KLRD1: variants seen among roughly 807,000 people sequenced by gnomAD.
KLRD1 encodes killer cell lectin like receptor D1.
In KLRD1, 21 loss-of-function variants were observed where a neutral mutation model predicts 22.6. That is an observed-to-expected ratio of 0.93 (90% CI 0.66 to 1.34). The LOEUF (loss-of-function observed/expected upper bound fraction) is 1.34. KLRD1 is among the 40% of genes most tolerant of loss of function. The pLI is 0.00. For synonymous variants in KLRD1, 59 were observed against 71.1 expected (o/e 0.83, Z 0.85); for missense variants, 183 against 208.6 (o/e 0.88, Z 0.76).
chr12:10,290,819 GC>G (rs1290327087), intron 1 of KLRD1, among the ~76,000 whole-genome samples: 1 of 151,850 alleles, frequency 6.6e-6, no homozygotes, highest in Non-Finnish European at 1.5e-5. Context: ...TGATAAAACT[GC>G]ATAAAATGAC....
Position 10,265,625 on chromosome 12 carries a change from CACACACCTGTAAGCCCA to C in KLRD1, c.-101+39393_-101+39409del, listed in dbSNP as rs776595246. ...TACAAAAATTAGCCAGGCATGGTGG[CACACACCTGTAAGCCCA>C]GCTACTCGGGAGGCTGAGGCAGGAG... is the stretch of plus-strand genomic sequence containing the variant. On this transcript the variant is annotated intron_variant, in intron 1 of 5. Coordinates refer to the KLRD1 transcript ENST00000544747. 1.5e-3 allele frequency among the ~76,000 whole-genome samples: 227 copies of C among 152,262 alleles called. 2 individuals carry two copies. Among genetic ancestry groups the C allele is most frequent in the Non-Finnish European group, 6.6e-4 (45 of 68,014 alleles).
At chr12:10,241,676 AG>A (rs1323284774) in intron 1 of KLRD1, among the ~76,000 whole-genome samples, 1 of 152,174 alleles carries the variant, frequency 6.6e-6, no homozygotes, top group East Asian at 1.9e-4. Context: ...ATAGTTAGGA[AG>A]AAATTTGTCT....
At chr12:10,272,923 G>A (rs974594223) in intron 1 of KLRD1, among the ~76,000 whole-genome samples, 6 of 151,784 alleles carry the variant, frequency 4.0e-5, no homozygotes, top group Non-Finnish European at 5.9e-5. Flanking sequence ...ACTAAATAAC[G>A]TAATATAAAT....
upstream of KLRD1, among the ~76,000 whole-genome samples, chr12:10,303,068 A>G (rs1370435572): frequency 6.6e-6 from 1 of 152,214 alleles, no homozygotes; most frequent in Admixed American, 6.5e-5. Flanking sequence ...CCCAGTAATG[A>G]TCAAGTCAGC....
rs574316249 is a variant in KLRD1, at chr12:10,291,347, G to A, written c.-100-16631G>A. 4.1e-3 allele frequency among the ~76,000 whole-genome samples: 628 copies of A among 152,252 alleles called. 3 individuals are homozygous for A. The highest frequency in any genetic ancestry group is 7.5e-3 in the Non-Finnish European group (507 of 68,018). ...TTGACTGACTCTTCTTTTCACAAAA[G>A]ATTTCTCTGTAGTCTATGATGCTGT... On this transcript the variant is annotated intron_variant, in intron 1 of 5. Transcript: ENST00000544747.
chr12:10,260,840 G>A (rs1400079506), intron 1 of KLRD1, among the ~76,000 whole-genome samples: 2 of 152,104 alleles, frequency 1.3e-5, no homozygotes, highest in Non-Finnish European at 2.9e-5. Context: ...TACTCGGGAG[G>A]CTGAGGCAGG....
In KLRD1 at chr12:10,309,390, T is replaced by G; in HGVS notation, c.10T>G (p.Phe4Val). The G allele has an allele frequency of 7.0e-7, 1 of 1,438,092 alleles. No individual in the cohort carries two copies. Among genetic ancestry groups the G allele is most frequent in the Non-Finnish European group, 9.8e-7 (1 of 1,019,322 alleles). 89.1% of individuals were successfully genotyped at this position (1,438,092 alleles called of 1,614,324 possible). A position where few individuals can be genotyped will look rare whatever the true frequency, so the allele number is the denominator to read the frequency against. The change falls in exon 2 of 6, where the codon TTT (phenylalanine) becomes GTT (valine). Residue 4 changes from phenylalanine (F) to valine (V), a missense_variant and splice_region_variant. Transcript: ENST00000336164. MAVFKTTLWRLISG... is the reference protein window; with the variant it reads MAVVKTTLWRLISG... ...ACTCTGTCTGTCTTTCTCTACAGTG[T>G]TTAAGACCACTCTGTGGAGGTTAAT...
chr12:10,257,861 C>T (rs922825909), intron 1 of KLRD1, among the ~76,000 whole-genome samples: 3 of 152,010 alleles, frequency 2.0e-5, no homozygotes. Context: ...AAGACTGGCT[C>T]TTTGCCAAGG....
At chr12:10,308,502 T>C (rs1269693363) in intron 1 of KLRD1, 1 of 189,548 alleles carries the variant, frequency 5.3e-6, no homozygotes, top group African/African-American at 2.3e-5. Flanking sequence ...ATTGTACTGT[T>C]GTTAATGACA....
chr12:10,277,634 A>T (rs1056482840), intron 1 of KLRD1, among the ~76,000 whole-genome samples: 1 of 152,194 alleles, frequency 6.6e-6, no homozygotes, highest in Non-Finnish European at 1.5e-5. Flanking sequence ...AAAATTGTAT[A>T]AAAATATTTC....
rs773481732 is a variant in KLRD1, at chr12:10,326,166, T to C, written c.*11373T>C. The C allele has an allele frequency of 1.3e-5, 2 of 152,176 alleles. No homozygotes were observed. The highest frequency in any genetic ancestry group is 2.4e-5 in the African/African-American group (1 of 41,442). 9.4% of individuals were successfully genotyped at this position (152,176 alleles called of 1,614,324 possible). A position where few individuals can be genotyped will look rare whatever the true frequency, so the allele number is the denominator to read the frequency against. ...TTTTAATTGGGTTACTTGTGTTTTT[T>C]TTAATATTGAGTTGTAGGAGTTCTT... On this transcript the variant is annotated 3_prime_UTR_variant, in exon 6 of 6. Coordinates refer to ENST00000336164, the MANE Select transcript of KLRD1 (RefSeq NM_002262.5).
At chr12:10,265,922 G>A (rs568948951) in intron 1 of KLRD1, among the ~76,000 whole-genome samples, 1 of 152,172 alleles carries the variant, frequency 6.6e-6, no homozygotes, top group Admixed American at 6.5e-5. Flanking sequence ...CTTTACAAAA[G>A]AAACTGAATA....
rs1423460145 is a variant in KLRD1 at position 10,316,393 on chromosome 12, T to A, written c.*1600T>A. 6.6e-6 allele frequency: 1 copy of A among 151,138 alleles called. No individual in the cohort carries two copies. Among genetic ancestry groups the A allele is most frequent in the African/African-American group, 2.5e-5 (1 of 40,464 alleles). The allele number at this position is 151,138 out of a possible 1,614,324, so 9.4% of individuals were successfully genotyped here. A position where few individuals can be genotyped will look rare whatever the true frequency, so the allele number is the denominator to read the frequency against. On this transcript the variant is annotated 3_prime_UTR_variant, in exon 6 of 6. Transcript: ENST00000336164. ...TTCATAGTTTATGCCACTTATTTTA[T>A]TTTTTACTTTTATTATTTTTTTTTC...
chr12:10,268,218 A>T (rs773653976), intron 1 of KLRD1, among the ~76,000 whole-genome samples: 2 of 152,226 alleles, frequency 1.3e-5, no homozygotes, highest in Non-Finnish European at 2.9e-5. Context: ...ACACTGGCTC[A>T]GTGAGCCGAG....
At chr12:10,291,474 C>T (rs193188724) in intron 1 of KLRD1, among the ~76,000 whole-genome samples, 8 of 152,224 alleles carry the variant, frequency 5.3e-5, no homozygotes, top group African/African-American at 1.9e-4. Flanking sequence ...ATTCTAAATT[C>T]TTTGTTGTCA....
chr12:10,309,250 T>C (rs1054615697), intron 1 of KLRD1, 138 bp from the exon 2 acceptor site: 1 of 581,470 alleles, frequency 1.7e-6, no homozygotes, highest in Non-Finnish European at 3.1e-6. Context: ...TTGGAAAGTC[T>C]TCAGTGTTTT....
chr12:10,256,087 T>TTA (rs896672009), intron 1 of KLRD1, among the ~76,000 whole-genome samples: 3 of 151,970 alleles, frequency 2.0e-5, no homozygotes, highest in Non-Finnish European at 4.4e-5. Flanking sequence ...TCTTTGTCTT[T>TTA]TATATATATA....
At chr12:10,252,735 A>G (rs575964832) in intron 1 of KLRD1, among the ~76,000 whole-genome samples, 12 of 152,248 alleles carry the variant, frequency 7.9e-5, no homozygotes, top group African/African-American at 2.6e-4. Flanking sequence ...GAGAAAGAGG[A>G]ATAACTTTCA....
intron 1 of KLRD1, among the ~76,000 whole-genome samples, chr12:10,289,528 A>T (rs1251767152): frequency 6.6e-6 from 1 of 152,226 alleles, no homozygotes; most frequent in African/African-American, 2.4e-5. Context: ...CTACATAAAC[A>T]TGTCACTTTG....
Sources: gnomAD v4.1 joint callset for allele counts (sites outside exome capture counted in the v4.1 genomes callset) on GRCh38, gnomAD v4.1.1 for gene constraint, MANE v1.5 for transcripts, NCBI Gene and HGNC (gene_info 2026-07-23, HGNC 2026-07-21) for gene names.